Variants in RSPO2 observed in about 807,000 individuals in gnomAD.
The protein encoded by RSPO2 is R-spondin 2.
In RSPO2, 14 loss-of-function variants were observed where a neutral mutation model predicts 30.9. The observed-to-expected ratio is 0.45, with a 90% CI of 0.30 to 0.71. The LOEUF is 0.71. Ranked by LOEUF, RSPO2 falls within the 30% of genes least tolerant of loss-of-function variation. RSPO2 has a pLI of 0.08. For synonymous variants in RSPO2, 107 were observed against 96.4 expected (o/e 1.11, Z -0.64); for missense variants, 264 against 301.9 (o/e 0.87, Z 0.93).
At chr8:107,973,009 G>A (rs894186127) in intron 3 of RSPO2, among the ~76,000 whole-genome samples, 7 of 152,144 alleles carry the variant, frequency 4.6e-5, no homozygotes, top group Non-Finnish European at 1.0e-4. Context: ...GGTGGCTCAC[G>A]CCTGTAATCC....
intron 3 of RSPO2, among the ~76,000 whole-genome samples, chr8:107,980,711 T>C (rs983253731): frequency 3.3e-5 from 5 of 152,150 alleles, no homozygotes; most frequent in African/African-American, 9.7e-5. Flanking sequence ...AGAATGCCCC[T>C]AACTCTTAAC....
chr8:108,071,565 C>T (rs1302139093), intron 2 of RSPO2, among the ~76,000 whole-genome samples: 1 of 152,150 alleles, frequency 6.6e-6, no homozygotes, highest in Admixed American at 6.5e-5. Context: ...GGAAGGAATG[C>T]TATGGATAGG....
chr8:107,982,009 CAAA>C (rs372977834), intron 3 of RSPO2, among the ~76,000 whole-genome samples: 8 of 55,382 alleles, frequency 1.4e-4, no homozygotes, highest in African/African-American at 4.0e-4. Flanking sequence ...ACAACAACAA[CAAA>C]AAAAAAAAAA....
intron 2 of RSPO2, among the ~76,000 whole-genome samples, chr8:108,037,242 C>G (rs1811625345): frequency 6.6e-6 from 1 of 152,150 alleles, no homozygotes; most frequent in Admixed American, 6.5e-5. Flanking sequence ...CTAGTGAAAA[C>G]ACAGATAGGT....
At chr8:108,065,413 T>A (rs1020059094) in intron 2 of RSPO2, among the ~76,000 whole-genome samples, 5 of 152,098 alleles carry the variant, frequency 3.3e-5, no homozygotes, top group Admixed American at 6.6e-5. Context: ...TGTATATTCA[T>A]AATACTTATG....
At chr8:107,907,044 T>G (rs1586529660) in intron 5 of RSPO2, among the ~76,000 whole-genome samples, 1 of 115,188 alleles carries the variant, frequency 8.7e-6, no homozygotes, top group South Asian at 3.0e-4. Flanking sequence ...TTTAAAAATT[T>G]ATTAAAAATA....
At chr8:107,923,203 ATC>A (rs751863798) in intron 5 of RSPO2, among the ~76,000 whole-genome samples, 21 of 152,168 alleles carry the variant, frequency 1.4e-4, no homozygotes, top group Non-Finnish European at 2.8e-4. Flanking sequence ...AATATCCAGC[ATC>A]TATAAGGAAA....
chr8:108,046,141 C>T (rs966029604), intron 2 of RSPO2, among the ~76,000 whole-genome samples: 5 of 152,074 alleles, frequency 3.3e-5, no homozygotes, highest in Admixed American at 2.0e-4. Context: ...CACACATTTC[C>T]GAGTATGGAA....
chr8:108,004,727 T>C (rs13270028), intron 2 of RSPO2, among the ~76,000 whole-genome samples: 12,382 of 152,222 alleles, frequency 0.081, 789 homozygotes, highest in African/African-American at 0.18. Flanking sequence ...ACATATGTAA[T>C]ATATGTGTGT....
intron 5 of RSPO2, among the ~76,000 whole-genome samples, chr8:107,918,228 C>T (rs1812038952): frequency 1.3e-5 from 2 of 152,148 alleles, no homozygotes; most frequent in Non-Finnish European, 1.5e-5. Context: ...GTAAAATATA[C>T]TCCTATGAAC....
At chr8:107,906,358 T>TATTTTAAGTAATAGC (rs1554625827) in intron 5 of RSPO2, among the ~76,000 whole-genome samples, 1 of 149,528 alleles carries the variant, frequency 6.7e-6, no homozygotes, top group Non-Finnish European at 1.5e-5. Context: ...TTATATTTTA[T>TATTTTAAGTAATAGC]ATTTTATATT....
At chr8:108,080,574 T>TA (rs1194547536) in intron 2 of RSPO2, among the ~76,000 whole-genome samples, 1 of 152,192 alleles carries the variant, frequency 6.6e-6, no homozygotes, top group Non-Finnish European at 1.5e-5. Flanking sequence ...GGCAGATTCT[T>TA]AGAGATGGCA....
At chr8:108,081,117 A>T (rs1036567874) in intron 2 of RSPO2, among the ~76,000 whole-genome samples, 2 of 152,114 alleles carry the variant, frequency 1.3e-5, no homozygotes, top group African/African-American at 4.8e-5. Flanking sequence ...GGGGAGAGGG[A>T]GGGAGAGAAG....
At chr8:107,986,686 T>C (rs2130517744) in intron 3 of RSPO2, among the ~76,000 whole-genome samples, 1 of 152,320 alleles carries the variant, frequency 6.6e-6, no homozygotes, top group South Asian at 2.1e-4. Flanking sequence ...GCCACCCTAT[T>C]GTCCATATAA....
At chr8:107,960,877 C>T in intron 3 of RSPO2, 60 bp from the exon 4 acceptor site, 2 of 1,349,744 alleles carry the variant, frequency 1.5e-6, no homozygotes, top group South Asian at 2.8e-5. Context: ...ACTTGTTTTA[C>T]AAATAAAATT....
chr8:107,964,069 A>T (rs1303407175), intron 3 of RSPO2, among the ~76,000 whole-genome samples: 1 of 152,256 alleles, frequency 6.6e-6, no homozygotes, highest in East Asian at 1.9e-4. Context: ...AGCTTTGATC[A>T]GTGCCAAGTC....
At chr8:108,060,379 T>C (rs1457682246) in intron 2 of RSPO2, among the ~76,000 whole-genome samples, 2 of 151,784 alleles carry the variant, frequency 1.3e-5, no homozygotes, top group Admixed American at 6.6e-5. Context: ...GAGAACTACA[T>C]GATGAATGCA....
chr8:108,038,942 G>A (rs1356573716), intron 2 of RSPO2, among the ~76,000 whole-genome samples: 1 of 152,100 alleles, frequency 6.6e-6, no homozygotes, highest in Non-Finnish European at 1.5e-5. Flanking sequence ...TCTGAAGTAT[G>A]CCTGTATTTA....
At chr8:108,068,969 T>C (rs1051790705) in intron 2 of RSPO2, among the ~76,000 whole-genome samples, 2 of 152,224 alleles carry the variant, frequency 1.3e-5, no homozygotes, top group Non-Finnish European at 2.9e-5. Flanking sequence ...TAATACTGTA[T>C]AATAATGTGT....
Sources: allele counts gnomAD v4.1 joint callset (sites outside exome capture counted in the v4.1 genomes callset), GRCh38; gene constraint gnomAD v4.1.1; transcripts MANE v1.5; gene names NCBI Gene and HGNC (gene_info 2026-07-23, HGNC 2026-07-21).